Variants in ADGRB3 observed in about 807,000 individuals in gnomAD.
ADGRB3 encodes the protein brain-specific angiogenesis inhibitor 3.
Under a neutral mutation model 193.4 loss-of-function variants are expected in ADGRB3, and 37 were observed. The observed-to-expected ratio is 0.19, with a 90% confidence interval of 0.15 to 0.25. ADGRB3 has a LOEUF of 0.25. ADGRB3 is among the 10% of genes least tolerant of loss of function. The pLI, the probability that ADGRB3 is intolerant of heterozygous loss-of-function variation, is 1.00. For synonymous variants in ADGRB3, 690 were observed against 644.2 expected (o/e 1.07, Z -1.08); for missense variants, 1,637 against 1,852.9 (o/e 0.88, Z 2.14).
intron 13 of ADGRB3, among the ~76,000 whole-genome samples, chr6:69,046,479 A>G (rs1490883391): frequency 6.6e-6 from 1 of 152,218 alleles, no homozygotes; most frequent in East Asian, 1.9e-4. Flanking sequence ...AGCAAAAAGT[A>G]TATTGTTTTA....
chr6:68,772,886 AAAAAAAAAAT>A (rs1196457050), intron 3 of ADGRB3, among the ~76,000 whole-genome samples: 193 of 41,518 alleles, frequency 4.6e-3, no homozygotes, highest in South Asian at 0.023. Context: ...AACAAACAAA[AAAAAAAAAAT>A]ATATATATAT....
chr6:68,795,191 A>T (rs937151415), intron 3 of ADGRB3, among the ~76,000 whole-genome samples: 1 of 152,030 alleles, frequency 6.6e-6, no homozygotes, highest in African/African-American at 2.4e-5. Flanking sequence ...CTGGCATTTC[A>T]TGTATATGTC....
intron 3 of ADGRB3, among the ~76,000 whole-genome samples, chr6:68,920,294 G>A (rs1448917460): frequency 6.6e-6 from 1 of 151,998 alleles, no homozygotes; most frequent in African/African-American, 2.4e-5. Context: ...GAGGCAGGTG[G>A]ATCACCTGAG....
intron 17 of ADGRB3, among the ~76,000 whole-genome samples, chr6:69,144,730 A>T (rs1455548001): frequency 6.6e-6 from 1 of 152,116 alleles, no homozygotes; most frequent in East Asian, 1.9e-4. Flanking sequence ...GCATATGTTG[A>T]ACCATCCTTA....
At chr6:68,766,240 T>A (rs7747227) in intron 3 of ADGRB3, among the ~76,000 whole-genome samples, 6 of 152,032 alleles carry the variant, frequency 3.9e-5, no homozygotes, top group African/African-American at 1.4e-4. Context: ...TTTTTTAGCT[T>A]ATTTCATTGA....
chr6:68,988,752 A>G (rs772892204), intron 10 of ADGRB3, among the ~76,000 whole-genome samples: 1 of 152,086 alleles, frequency 6.6e-6, no homozygotes, highest in Non-Finnish European at 1.5e-5. Context: ...CCTCTCACAC[A>G]AGCAGCGATG....
At chr6:69,000,202 CAAA>C (rs1343886119) in intron 11 of ADGRB3, among the ~76,000 whole-genome samples, 7 of 151,496 alleles carry the variant, frequency 4.6e-5, no homozygotes, top group Non-Finnish European at 8.8e-5. Flanking sequence ...AAAAAAGAAA[CAAA>C]GAAGGGATAA....
At chr6:68,784,910 T>A (rs916476908) in intron 3 of ADGRB3, among the ~76,000 whole-genome samples, 1 of 152,098 alleles carries the variant, frequency 6.6e-6, no homozygotes, top group Non-Finnish European at 1.5e-5. Context: ...TTAGTAGTGT[T>A]CATTTTATTT....
chr6:68,859,366 TTACCCA>T (rs1307669530), intron 3 of ADGRB3, among the ~76,000 whole-genome samples: 10 of 152,240 alleles, frequency 6.6e-5, no homozygotes, highest in Admixed American at 5.2e-4. Flanking sequence ...CCTCTGCCTG[TTACCCA>T]GTTCCAAAGT....
At chr6:68,688,553 G>T (rs1308202339) in intron 3 of ADGRB3, among the ~76,000 whole-genome samples, 4 of 152,130 alleles carry the variant, frequency 2.6e-5, no homozygotes, top group Non-Finnish European at 5.9e-5. Flanking sequence ...CACGGCCATT[G>T]TTTAGCCACT....
At chr6:69,138,250 C>A (rs1774212332) in intron 17 of ADGRB3, among the ~76,000 whole-genome samples, 2 of 152,202 alleles carry the variant, frequency 1.3e-5, no homozygotes, top group South Asian at 4.1e-4. Context: ...CAATACTGTT[C>A]CAGCATCAGA....
chr6:69,231,325 A>G (rs1183684519), intron 17 of ADGRB3, among the ~76,000 whole-genome samples: 1 of 152,224 alleles, frequency 6.6e-6, no homozygotes, highest in Non-Finnish European at 1.5e-5. Context: ...TTATTTACAT[A>G]AAGATTTTTC....
At position 68,843,051 on chromosome 6, in the gene ADGRB3, C is replaced by CAAACAA. The variant is rs1554203957; in HGVS notation, c.758-87505_758-87504insCAAAAA. Among the ~76,000 whole-genome samples the CAAACAA allele has an allele frequency of 1.3e-4, 17 of 129,962 alleles. No individual in the cohort carries two copies. The East Asian group carries it at 6.8e-3, about 52-fold the overall frequency. 85.3% of individuals were successfully genotyped at this position (129,962 alleles called of 152,430 possible). ...ACACAATAAAAGCCATATACAACAA[C>CAAACAA]AAAAAAAAAAACAGGAAATGTCGTA... is the stretch of plus-strand genomic sequence containing the variant. On this transcript the variant is annotated intron_variant, in intron 3 of 31. Transcript: ENST00000370598.
intron 17 of ADGRB3, among the ~76,000 whole-genome samples, chr6:69,176,793 G>T (rs1382889642): frequency 6.6e-6 from 1 of 152,092 alleles, no homozygotes; most frequent in African/African-American, 2.4e-5. Context: ...TATTATTACT[G>T]ATTTAATTTC....
chr6:68,687,501 A>G (rs1461156172), intron 3 of ADGRB3, among the ~76,000 whole-genome samples: 1 of 152,162 alleles, frequency 6.6e-6, no homozygotes, highest in Non-Finnish European at 1.5e-5. Flanking sequence ...TATGCGATGC[A>G]TATTTTGCCA....
chr6:68,737,995 G>T (rs1207082100), intron 3 of ADGRB3, among the ~76,000 whole-genome samples: 2 of 152,108 alleles, frequency 1.3e-5, no homozygotes, highest in African/African-American at 2.4e-5. Context: ...AGGAGAAAGG[G>T]AAAGGTGTTG....
At chr6:68,779,345 C>A (rs550792329) in intron 3 of ADGRB3, among the ~76,000 whole-genome samples, 16 of 151,610 alleles carry the variant, frequency 1.1e-4, no homozygotes, top group African/African-American at 3.6e-4. Flanking sequence ...TCTTTCCCCC[C>A]TCATTCTCCC....
chr6:68,828,081 C>T (rs896655642), intron 3 of ADGRB3, among the ~76,000 whole-genome samples: 7 of 152,226 alleles, frequency 4.6e-5, no homozygotes, highest in Admixed American at 2.0e-4. Context: ...TGAGTAGCTA[C>T]GTGACATTCA....
chr6:68,772,972 C>G (rs1349473195), intron 3 of ADGRB3, among the ~76,000 whole-genome samples: 2 of 129,270 alleles, frequency 1.5e-5, no homozygotes, highest in African/African-American at 5.7e-5. Context: ...ATAAAATAGA[C>G]AGGCATGGTA....
Sources: gnomAD v4.1 joint callset for allele counts (sites outside exome capture counted in the v4.1 genomes callset) on GRCh38, gnomAD v4.1.1 for gene constraint, MANE v1.5 for transcripts, NCBI Gene and HGNC (gene_info 2026-07-23, HGNC 2026-07-21) for gene names.